Variants in TAS2R1 observed in about 807,000 individuals in gnomAD.
TAS2R1 encodes taste 2 receptor member 1, also known as taste receptor type 2 member 1.
For synonymous variants in TAS2R1, 141 were observed against 134.2 expected (o/e 1.05, Z -0.35); for missense variants, 370 against 353.4 (o/e 1.05, Z -0.38).
At chr5:9,826,803 C>A in the TAS2R1 span, among the ~76,000 whole-genome samples, 1 of 151,334 alleles carries the variant, frequency 6.6e-6, no homozygotes, top group Non-Finnish European at 1.5e-5. Flanking sequence ...TTACTGGTCA[C>A]CCCTCCTTCT....
At chr5:9,665,778 C>A (rs1740620523) in intron 1 of TAS2R1, among the ~76,000 whole-genome samples, 1 of 152,130 alleles carries the variant, frequency 6.6e-6, no homozygotes. Context: ...ATATAGTTAG[C>A]ATTGTAGAAG....
At chr5:9,705,868 A>C (rs75338228) in intron 1 of TAS2R1, among the ~76,000 whole-genome samples, 2,915 of 140,604 alleles carry the variant, frequency 0.021, 97 homozygotes, top group African/African-American at 0.068. Context: ...ATCCCCCCCC[A>C]AAAAAAGACT....
chr5:9,739,911 A>G, the TAS2R1 span, among the ~76,000 whole-genome samples: 4 of 152,240 alleles, frequency 2.6e-5, no homozygotes, highest in Non-Finnish European at 5.9e-5. Flanking sequence ...TTTAGATTTG[A>G]TGAAATACAG....
At chr5:9,716,154 A>G (rs1171308298), upstream of TAS2R1, among the ~76,000 whole-genome samples, 1 of 152,136 alleles carries the variant, frequency 6.6e-6, no homozygotes, top group East Asian at 1.9e-4. Context: ...AGGTCCCTGG[A>G]GAAACTTCAA....
At chr5:9,647,296 A>G (rs1327308823) in intron 2 of TAS2R1, among the ~76,000 whole-genome samples, 1 of 152,206 alleles carries the variant, frequency 6.6e-6, no homozygotes, top group Non-Finnish European at 1.5e-5. Flanking sequence ...GCATTCTAGA[A>G]AAAAGAATAT....
At chr5:9,812,467 G>A in the TAS2R1 span, among the ~76,000 whole-genome samples, 1 of 151,942 alleles carries the variant, frequency 6.6e-6, no homozygotes, top group Non-Finnish European at 1.5e-5. Context: ...TGAAGGTAAG[G>A]GGGGCCAGAG....
the TAS2R1 span, among the ~76,000 whole-genome samples, chr5:9,819,544 G>A: frequency 6.6e-6 from 1 of 152,214 alleles, no homozygotes; most frequent in East Asian, 1.9e-4. Flanking sequence ...AATAGGTTTA[G>A]AGTTTAGTGC....
At chr5:9,858,046 G>T in the TAS2R1 span, among the ~76,000 whole-genome samples, 1 of 152,036 alleles carries the variant, frequency 6.6e-6, no homozygotes, top group Non-Finnish European at 1.5e-5. Flanking sequence ...GCTGGGGGTG[G>T]TCTGGAGCCT....
the TAS2R1 span, among the ~76,000 whole-genome samples, chr5:9,771,710 G>T: frequency 1.3e-5 from 2 of 152,052 alleles, no homozygotes; most frequent in Non-Finnish European, 2.9e-5. Context: ...GTCTGTTCAA[G>T]TTTTGAATTT....
chr5:9,801,561 C>T, the TAS2R1 span, among the ~76,000 whole-genome samples: 9 of 152,306 alleles, frequency 5.9e-5, no homozygotes, highest in South Asian at 1.7e-3. Context: ...ATCACCGTTG[C>T]AGGCTCCCTG....
intron 1 of TAS2R1, among the ~76,000 whole-genome samples, chr5:9,684,301 A>G (rs971124006): frequency 6.6e-6 from 1 of 152,232 alleles, no homozygotes; most frequent in African/African-American, 2.4e-5. Context: ...TCAAGCACAG[A>G]AAGAGAAATA....
chr5:9,639,901 G>A (rs901400786), intron 2 of TAS2R1, among the ~76,000 whole-genome samples: 2 of 152,116 alleles, frequency 1.3e-5, no homozygotes, highest in African/African-American at 4.8e-5. Flanking sequence ...TTGTATGAGA[G>A]CCCTAAAATT....
At chr5:9,775,673 G>C in the TAS2R1 span, among the ~76,000 whole-genome samples, 2 of 152,020 alleles carry the variant, frequency 1.3e-5, no homozygotes, top group Non-Finnish European at 2.9e-5. Context: ...GCCAGGACTG[G>C]GTTCTTCCCT....
chr5:9,755,573 T>G, the TAS2R1 span, among the ~76,000 whole-genome samples: 1 of 122,086 alleles, frequency 8.2e-6, no homozygotes, highest in South Asian at 2.6e-4. Flanking sequence ...GGCGACAGAG[T>G]GAGACTCCAT....
At chr5:9,867,842 A>T in the TAS2R1 span, among the ~76,000 whole-genome samples, 1 of 152,232 alleles carries the variant, frequency 6.6e-6, no homozygotes, top group Non-Finnish European at 1.5e-5. Context: ...TACAATGGGG[A>T]TACAAGCATT....
At chr5:9,733,932 C>G in the TAS2R1 span, among the ~76,000 whole-genome samples, 1 of 151,972 alleles carries the variant, frequency 6.6e-6, no homozygotes, top group Non-Finnish European at 1.5e-5. Flanking sequence ...ATAACTATTT[C>G]CAAGCTTTGT....
intron 1 of TAS2R1, among the ~76,000 whole-genome samples, chr5:9,662,899 G>A (rs142276569): frequency 1.3e-5 from 2 of 152,150 alleles, no homozygotes; most frequent in African/African-American, 4.8e-5. Flanking sequence ...AGACATGGAG[G>A]GATTCTATCT....
chr5:9,788,711 G>A, the TAS2R1 span, among the ~76,000 whole-genome samples: 1 of 152,150 alleles, frequency 6.6e-6, no homozygotes, highest in South Asian at 2.1e-4. Context: ...AGAGCATGTG[G>A]GTTGATTTCA....
chr5:9,773,920 G>A, the TAS2R1 span, among the ~76,000 whole-genome samples: 3 of 152,164 alleles, frequency 2.0e-5, no homozygotes, highest in African/African-American at 7.2e-5. Flanking sequence ...TCTGCTTGAT[G>A]TTCTATAGCC....
Sources: allele counts gnomAD v4.1 joint callset (sites outside exome capture counted in the v4.1 genomes callset), GRCh38; gene constraint gnomAD v4.1.1; transcripts MANE v1.5; gene names NCBI Gene and HGNC (gene_info 2026-07-23, HGNC 2026-07-21).